The following NTRK3 variants were observed in gnomAD, a reference collection of about 807,000 sequenced individuals.
NTRK3 encodes the protein neurotrophic receptor tyrosine kinase 3.
A neutral mutation model predicts 91.7 loss-of-function variants in NTRK3; 24 were observed. The ratio of observed to expected loss-of-function variants is 0.26; its 90% CI spans 0.19 to 0.37. The LOEUF (loss-of-function observed/expected upper bound fraction) is 0.37, where lower values mean the gene tolerates loss of function less well. Among genes scored for constraint, NTRK3 ranks in the 10% least tolerant of loss-of-function variants. The pLI, the probability that NTRK3 is intolerant of heterozygous loss-of-function variation, is 1.00. For synonymous variants in NTRK3, 483 were observed against 404.0 expected (o/e 1.20, Z -2.34); for missense variants, 880 against 1,068.9 (o/e 0.82, Z 2.46).
chr15:87,893,110 T>C (rs891887833), intron 17 of NTRK3, among the ~76,000 whole-genome samples: 1 of 152,188 alleles, frequency 6.6e-6, no homozygotes, highest in Admixed American at 6.5e-5. Context: ...CATAAACATT[T>C]CAAGACCACA....
At chr15:87,867,218 G>A (rs6496449) in exon 19 of NTRK3, 150,873 of 224,904 alleles carry the variant, frequency 0.67, 50,835 homozygotes, top group East Asian at 0.71. Flanking sequence ...CTGGGAGAAC[G>A]CACTTGTTTT....
Position 88,256,487 on chromosome 15 carries a change from C to CT in NTRK3, c.-218-2dup, listed in dbSNP as rs2054068208. ...CGAGGCGCGCTCTCCGACTCCGAGA[C>CT]TTTGCAGGGTTGCAACAGACGGTGG... On this transcript the variant is annotated splice_acceptor_variant, in intron 1 of 18. Transcript: ENST00000394480. LOFTEE classifies it low-confidence loss of function (5UTR_SPLICE). 1 of 518,206 alleles carries CT rather than the reference C, an allele frequency of 1.9e-6. No homozygotes were observed. The highest frequency in any genetic ancestry group is 2.1e-5 in the African/African-American group (1 of 48,420). The allele number at this position is 518,206 out of a possible 1,614,324, so 32.1% of individuals were successfully genotyped here. A position where few individuals can be genotyped will look rare whatever the true frequency, so the allele number is the denominator to read the frequency against.
chr15:87,920,622 T>G (rs921982074), intron 17 of NTRK3, among the ~76,000 whole-genome samples: 1 of 152,204 alleles, frequency 6.6e-6, no homozygotes, highest in Non-Finnish European at 1.5e-5. Context: ...ACTGCACAGT[T>G]CTAAAAGATT....
chr15:88,069,093 A>C (rs959888941), intron 13 of NTRK3, among the ~76,000 whole-genome samples: 1 of 152,230 alleles, frequency 6.6e-6, no homozygotes, highest in African/African-American at 2.4e-5. Context: ...AAGACTGCCA[A>C]AAGTTATCAA....
chr15:87,955,344 C>G (rs1416993250), intron 14 of NTRK3, among the ~76,000 whole-genome samples: 5 of 152,190 alleles, frequency 3.3e-5, no homozygotes, highest in African/African-American at 1.2e-4. Context: ...CTCTGACTGC[C>G]CTAGGCCATA....
chr15:88,008,184 C>G (rs1425787296), intron 14 of NTRK3, among the ~76,000 whole-genome samples: 1 of 152,116 alleles, frequency 6.6e-6, no homozygotes, highest in Non-Finnish European at 1.5e-5. Context: ...AATACACTCC[C>G]AGAACCTTAG....
chr15:88,004,215 C>T (rs1433233389), intron 14 of NTRK3, among the ~76,000 whole-genome samples: 1 of 152,152 alleles, frequency 6.6e-6, no homozygotes, highest in Non-Finnish European at 1.5e-5. Flanking sequence ...CTTAATGCCC[C>T]TCCTGGCATC....
chr15:88,129,770 C>A (rs1016465546), intron 10 of NTRK3, among the ~76,000 whole-genome samples: 2 of 152,130 alleles, frequency 1.3e-5, no homozygotes, highest in Non-Finnish European at 2.9e-5. Flanking sequence ...ATCATTTAAG[C>A]AACAAAACAA....
intron 14 of NTRK3, among the ~76,000 whole-genome samples, chr15:87,969,937 C>T (rs750529952): frequency 1.2e-4 from 19 of 152,288 alleles, no homozygotes; most frequent in Non-Finnish European, 2.6e-4. Context: ...GCAGCCATCT[C>T]TCTCACTCAG....
intron 13 of NTRK3, among the ~76,000 whole-genome samples, chr15:88,109,476 G>C (rs1393304534): frequency 1.3e-5 from 2 of 152,206 alleles, no homozygotes; most frequent in African/African-American, 4.8e-5. Flanking sequence ...ACAAGTCACA[G>C]TGAAAATCAA....
chr15:88,121,403 T>C (rs2052690229), intron 13 of NTRK3, among the ~76,000 whole-genome samples: 1 of 152,188 alleles, frequency 6.6e-6, no homozygotes, highest in Non-Finnish European at 1.5e-5. Context: ...GCAAGTCACT[T>C]CCTTGTCTGG....
intron 6 of NTRK3, among the ~76,000 whole-genome samples, chr15:88,146,609 T>A (rs183332449): frequency 6.6e-6 from 1 of 152,332 alleles, no homozygotes; most frequent in African/African-American, 2.4e-5. Context: ...TCACGAATGT[T>A]CACTCATTTG....
rs146963635 is a variant in NTRK3 at position 88,008,715 on chromosome 15, C to T, written c.1585+24142G>A. 8.5e-4 allele frequency among the ~76,000 whole-genome samples: 129 copies of T among 152,230 alleles called. 2 individuals are homozygous for T. The East Asian group carries it at 0.02, about 24-fold the overall frequency. ...GGAGCAACCAGGGCTCGGCCCCCAG[C>T]GATTCTTCATATTAAACAGACGCTA... is the stretch of plus-strand genomic sequence containing the variant. On this transcript the variant is annotated intron_variant, in intron 14 of 18. Transcript: ENST00000394480.
chr15:88,136,734 G>T (rs1348700055), intron 7 of NTRK3, 125 bp from the exon 8 acceptor site: 1 of 1,205,620 alleles, frequency 8.3e-7, no homozygotes, highest in South Asian at 1.5e-5. Flanking sequence ...CCACCTGCTT[G>T]AGTTCTTGGA....
exon 19 of NTRK3, chr15:87,861,475 T>C (rs2064521806): frequency 5.0e-6 from 1 of 199,464 alleles, no homozygotes; most frequent in South Asian, 1.9e-4. Flanking sequence ...ATATGTAAAG[T>C]AGCACTTAGT....
At chr15:88,171,833 T>C (rs2045548646) in intron 5 of NTRK3, among the ~76,000 whole-genome samples, 1 of 152,230 alleles carries the variant, frequency 6.6e-6, no homozygotes, top group African/African-American at 2.4e-5. Context: ...ATTCGTTCAG[T>C]CAGCCATTTG....
At chr15:87,912,951 T>A (rs201661179) in intron 17 of NTRK3, among the ~76,000 whole-genome samples, 1 of 49,106 alleles carries the variant, frequency 2.0e-5, no homozygotes, top group East Asian at 6.3e-4. Context: ...TATATATATA[T>A]ATATATATAT....
chr15:88,174,841 T>C (rs2045850550), intron 5 of NTRK3, among the ~76,000 whole-genome samples: 1 of 152,240 alleles, frequency 6.6e-6, no homozygotes, highest in African/African-American at 2.4e-5. Flanking sequence ...TCCACTGCCT[T>C]GTGCTGGAAG....
At position 88,145,765 on chromosome 15, in the gene NTRK3, A is replaced by G. The variant is rs1379676279; in HGVS notation, c.464+1570T>C. Among the ~76,000 whole-genome samples the G allele has an allele frequency of 8.5e-5, 13 of 152,206 alleles. No homozygotes were observed. The South Asian group carries it at 2.7e-3, about 32-fold the overall frequency. On this transcript the variant is annotated intron_variant, in intron 6 of 18. Transcript: ENST00000394480. ...AGATGAAGGGACTACGGGTTCCAGA[A>G]TAATTACATGCAAGACACCCAAGAA...
Sources: allele counts gnomAD v4.1 joint callset (sites outside exome capture counted in the v4.1 genomes callset), GRCh38; gene constraint gnomAD v4.1.1; transcripts MANE v1.5; gene names NCBI Gene and HGNC (gene_info 2026-07-23, HGNC 2026-07-21).